PARM1: variants seen among roughly 807,000 people sequenced by gnomAD.
PARM1 encodes WSC4, cell wall integrity and stress response component 4 homolog.
PARM1 carries 14 observed loss-of-function variants against 24.6 expected under a neutral mutation model. That is an observed-to-expected ratio of 0.57 (90% CI 0.38 to 0.89). PARM1 has a LOEUF of 0.89. Among genes scored for constraint, PARM1 ranks in the 40% least tolerant of loss-of-function variants. PARM1 has a pLI of 0.00. For missense variants in PARM1, 362 were observed against 380.4 expected (o/e 0.95, Z 0.40); for synonymous variants, 179 against 156.6 (o/e 1.14, Z -1.07).
At position 75,012,566 on chromosome 4, in the gene PARM1, A is replaced by G. The variant is rs777626477; in HGVS notation, c.185A>G (p.Asn62Ser). The change falls in exon 2 of 4, where the codon AAC (asparagine) becomes AGC (serine). Residue 62 changes from asparagine to serine, a missense_variant. Physicochemically the swap from Asn to Ser is conservative, Grantham distance 46. Transcript: ENST00000307428. ...GCCTCCCCATCCAACGGCACTCACAACAACTCGGTGCTCCCAGTTACAGCA... is the reference window on the plus strand; with the variant it reads ...GCCTCCCCATCCAACGGCACTCACAGCAACTCGGTGCTCCCAGTTACAGCA... ...DTASPSNGTHNNSVLPVTASA... is the reference protein window; with the variant it reads ...DTASPSNGTHSNSVLPVTASA... 6.2e-7 allele frequency: 1 copy of G among 1,613,916 alleles called. No individual in the cohort carries two copies. The highest frequency in any genetic ancestry group is 1.1e-5 in the South Asian group (1 of 91,072).
intron 1 of PARM1, among the ~76,000 whole-genome samples, chr4:74,948,824 C>T (rs1195756136): frequency 2.0e-5 from 3 of 152,106 alleles, no homozygotes; most frequent in African/African-American, 7.2e-5. Flanking sequence ...AGTTCGAGAC[C>T]AGCCTGGCCA....
intron 1 of PARM1, among the ~76,000 whole-genome samples, chr4:74,980,187 C>T (rs1185956553): frequency 6.6e-6 from 1 of 152,140 alleles, no homozygotes; most frequent in East Asian, 1.9e-4. Flanking sequence ...TCTCTGTTTG[C>T]AGAGGGCATG....
intron 1 of PARM1, among the ~76,000 whole-genome samples, chr4:74,936,723 A>G (rs570731623): frequency 3.2e-4 from 49 of 152,040 alleles, no homozygotes; most frequent in African/African-American, 1.0e-3. Context: ...CCAAAGTGCT[A>G]GGATTACAGG....
At chr4:75,024,801 C>T (rs1578055238) in intron 2 of PARM1, among the ~76,000 whole-genome samples, 1 of 152,134 alleles carries the variant, frequency 6.6e-6, no homozygotes, top group African/African-American at 2.4e-5. Flanking sequence ...TGGGTTCAAG[C>T]GATTCTCCTG....
At chr4:75,040,457 T>A (rs1723460445) in intron 3 of PARM1, among the ~76,000 whole-genome samples, 1 of 152,218 alleles carries the variant, frequency 6.6e-6, no homozygotes, top group South Asian at 2.1e-4. Context: ...AAAAGGATTT[T>A]AAAAATAAAT....
rs34718906 is a variant in PARM1 at position 75,002,455 on chromosome 4, A to AT, written c.44-9956dup. Among the ~76,000 whole-genome samples, 1,003 of 146,440 alleles carry AT rather than the reference A, an allele frequency of 6.8e-3. 5 individuals are homozygous for AT. The highest frequency in any genetic ancestry group is 0.014 in the Middle Eastern group (4 of 280). ...TTTTTATCTTTTTAGTCCCATGAGAATTTTTTTTTTTTTTAATTTCAGTGA... is the reference window on the plus strand; with the variant it reads ...TTTTTATCTTTTTAGTCCCATGAGAATTTTTTTTTTTTTTTAATTTCAGTGA... On this transcript the variant is annotated intron_variant, in intron 1 of 3. Coordinates refer to ENST00000307428, the MANE Select transcript of PARM1 (RefSeq NM_015393.4).
At chr4:74,988,323 T>C (rs1722397606) in intron 1 of PARM1, among the ~76,000 whole-genome samples, 1 of 152,212 alleles carries the variant, frequency 6.6e-6, no homozygotes, top group South Asian at 2.1e-4. Context: ...CAGTTGTTTA[T>C]ACAATGGACA....
In PARM1 at chr4:75,048,478, A is replaced by T. The variant is rs1265220614; in HGVS notation, c.*2231A>T. The T allele has an allele frequency of 6.6e-6, 1 of 152,240 alleles. No individual in the cohort carries two copies. The highest frequency in any genetic ancestry group is 1.9e-4 in the East Asian group (1 of 5,198). 9.4% of individuals were successfully genotyped at this position (152,240 alleles called of 1,614,324 possible). On this transcript the variant is annotated 3_prime_UTR_variant, in exon 4 of 4. Coordinates refer to ENST00000307428, the MANE Select transcript of PARM1 (RefSeq NM_015393.4). ...CACAGGGCTTTCAGTTTGGCAAAGG[A>T]AAAGCAGATAAAAACAGAACATTCC...
At chr4:74,954,678 A>G (rs1721598499) in intron 1 of PARM1, among the ~76,000 whole-genome samples, 1 of 152,182 alleles carries the variant, frequency 6.6e-6, no homozygotes, top group African/African-American at 2.4e-5. Flanking sequence ...CACCTGTGGG[A>G]GAGCAATTTC....
intron 1 of PARM1, chr4:74,956,894 A>T (rs1422866395): frequency 6.6e-6 from 1 of 152,256 alleles, no homozygotes; most frequent in Non-Finnish European, 1.5e-5. Flanking sequence ...TCTGGGCTAA[A>T]TACATAAAAT....
chr4:75,046,556 G>A lies in PARM1; in HGVS notation c.*309G>A, dbSNP rs1319771213. The A allele has an allele frequency of 4.3e-5, 10 of 232,828 alleles. No individual in the cohort carries two copies. The East Asian group carries it at 7.0e-4, about 16-fold the overall frequency. The allele number at this position is 232,828 out of a possible 1,614,324, so 14.4% of individuals were successfully genotyped here. Reference sequence around the variant, plus strand: ...TGCAGGACCCACTTTGAGAAGGACCGAGGAGGAGGATTTGGGTTGTTTTGT... The same window carrying A: ...TGCAGGACCCACTTTGAGAAGGACCAAGGAGGAGGATTTGGGTTGTTTTGT... On this transcript the variant is annotated 3_prime_UTR_variant, in exon 4 of 4. Coordinates refer to ENST00000307428, the MANE Select transcript of PARM1 (RefSeq NM_015393.4).
At chr4:74,965,724 T>G (rs574462873) in intron 1 of PARM1, among the ~76,000 whole-genome samples, 1 of 152,284 alleles carries the variant, frequency 6.6e-6, no homozygotes, top group East Asian at 1.9e-4. Flanking sequence ...ATGGCCCATC[T>G]AATCATGGGA....
chr4:74,950,106 G>T (rs189543616), intron 1 of PARM1, among the ~76,000 whole-genome samples: 4 of 152,130 alleles, frequency 2.6e-5, no homozygotes, highest in Non-Finnish European at 5.9e-5. Context: ...TCCCCAAACT[G>T]CTGTGAGCTA....
intron 1 of PARM1, among the ~76,000 whole-genome samples, chr4:74,936,870 A>G (rs113634760): frequency 1.3e-5 from 2 of 152,320 alleles, no homozygotes; most frequent in African/African-American, 4.8e-5. Flanking sequence ...AAGGAAGGAC[A>G]CTAGGTAAGA....
chr4:75,014,922 T>C (rs1722952290), intron 2 of PARM1, among the ~76,000 whole-genome samples: 1 of 152,208 alleles, frequency 6.6e-6, no homozygotes, highest in Admixed American at 6.5e-5. Context: ...TGACATTGGT[T>C]CCTGGAGCAG....
intron 1 of PARM1, among the ~76,000 whole-genome samples, chr4:74,962,677 T>G (rs1560776705): frequency 6.6e-6 from 1 of 152,168 alleles, no homozygotes; most frequent in Admixed American, 6.5e-5. Flanking sequence ...AAAATACTGT[T>G]TTATTCCATT....
rs1169408943 is a variant in PARM1 at position 74,933,281 on chromosome 4, A to G, written c.-47A>G. 3 of 1,583,144 alleles carry G rather than the reference A, an allele frequency of 1.9e-6. No homozygotes were observed. The highest frequency in any genetic ancestry group is 2.3e-5 in the East Asian group (1 of 44,152). ...GCCCAGTGCGCTCTGTCAGTCCGCAAACTCCTTGCCGCCCGCCCCGGGCTG... is the reference window on the plus strand; with the variant it reads ...GCCCAGTGCGCTCTGTCAGTCCGCAGACTCCTTGCCGCCCGCCCCGGGCTG... On this transcript the variant is annotated 5_prime_UTR_variant, in exon 1 of 4. Coordinates refer to ENST00000307428, the MANE Select transcript of PARM1 (RefSeq NM_015393.4).
chr4:74,972,386 T>C (rs1371491306), intron 1 of PARM1, among the ~76,000 whole-genome samples: 1 of 152,266 alleles, frequency 6.6e-6, no homozygotes, highest in Non-Finnish European at 1.5e-5. Flanking sequence ...TTTCTGTTTC[T>C]TTCAGAATCC....
chr4:75,010,177 A>G (rs1722845540), intron 1 of PARM1, among the ~76,000 whole-genome samples: 1 of 152,278 alleles, frequency 6.6e-6, no homozygotes, highest in South Asian at 2.1e-4. Flanking sequence ...CAGCCTTAAA[A>G]AGGAAGTAAA....
Sources: gnomAD v4.1 joint callset for allele counts (sites outside exome capture counted in the v4.1 genomes callset) on GRCh38, gnomAD v4.1.1 for gene constraint, MANE v1.5 for transcripts, NCBI Gene and HGNC (gene_info 2026-07-23, HGNC 2026-07-21) for gene names.